Variants in ARHGAP26 observed in about 807,000 individuals in gnomAD.
ARHGAP26 encodes the protein Rho GTPase activating protein 26.
In ARHGAP26, 38 loss-of-function variants were observed where a neutral mutation model predicts 104.8. The observed-to-expected ratio is 0.36, with a 90% confidence interval of 0.28 to 0.48. ARHGAP26 has a LOEUF of 0.48. ARHGAP26 is among the 20% of genes least tolerant of loss of function. ARHGAP26 has a pLI of 0.99. For missense variants in ARHGAP26, 704 were observed against 947.9 expected (o/e 0.74, Z 3.38); for synonymous variants, 341 against 340.0 (o/e 1.00, Z -0.03).
chr5:143,207,289 A>G lies in ARHGAP26; in HGVS notation c.2080A>G (p.Ser694Gly), dbSNP rs750689105. The G allele has an allele frequency of 6.2e-6, 10 of 1,613,950 alleles. No individual in the cohort carries two copies. The highest frequency in any genetic ancestry group is 1.7e-5 in the Admixed American group (1 of 60,012). ...CCCTATGCCCACCTCATCCACGTCCAGCGACTCATCCCCCGTCAGGTCTGT... is the reference window on the plus strand; with the variant it reads ...CCCTATGCCCACCTCATCCACGTCCGGCGACTCATCCCCCGTCAGGTCTGT... ...SSPMPTSSTS[S>G]DSSPVSTPFR... Residue 694 changes from serine (S) to glycine (G), a missense_variant, in exon 21 of 23, where the codon AGC becomes GGC. Physicochemically the swap from Ser to Gly is moderately conservative, Grantham distance 56 (BLOSUM62 0). Transcript: ENST00000645722.
chr5:143,012,898 C>T (rs972472335), intron 11 of ARHGAP26, among the ~76,000 whole-genome samples: 2 of 151,948 alleles, frequency 1.3e-5, no homozygotes, highest in Admixed American at 6.6e-5. Context: ...TCATGATCCA[C>T]CCGCCTGGGC....
chr5:143,124,956 C>T (rs1420483459), intron 18 of ARHGAP26, among the ~76,000 whole-genome samples: 1 of 152,318 alleles, frequency 6.6e-6, no homozygotes, highest in South Asian at 2.1e-4. Context: ...TTTTCCGCCT[C>T]CTCTCTGCAT....
chr5:142,956,911 A>C (rs923247751), intron 11 of ARHGAP26, among the ~76,000 whole-genome samples: 4 of 152,148 alleles, frequency 2.6e-5, no homozygotes, highest in Non-Finnish European at 5.9e-5. Context: ...TAAGAATAAG[A>C]TGGGAAATAC....
At chr5:143,183,612 C>G (rs765745439) in intron 20 of ARHGAP26, among the ~76,000 whole-genome samples, 2 of 152,182 alleles carry the variant, frequency 1.3e-5, no homozygotes, top group Non-Finnish European at 2.9e-5. Context: ...CCTGCCCACA[C>G]GTACTGTGAG....
At position 143,147,363 on chromosome 5, in the gene ARHGAP26, C is replaced by A. The variant is rs142158613; in HGVS notation, c.1970C>A (p.Pro657His). 30 of 1,613,588 alleles carry A rather than the reference C, an allele frequency of 1.9e-5. No homozygotes were observed. In the African/African-American group the frequency reaches 3.1e-4, roughly 17 times the overall value. The part of the protein sequence containing the change: ...SSDPDLAVVK[P>H]TRPNSLPPNP... ...GACCCAGACCTGGCTGTGGTCAAAC[C>A]CACCCGGCCCAACTCACTGTAAGTA... Residue 657 changes from proline to histidine, a missense_variant, in exon 20 of 23, where the codon CCC (proline) becomes CAC (histidine). Pro to His is a moderately conservative substitution (Grantham distance 77). Transcript: ENST00000645722.
At chr5:143,194,644 G>A (rs986065687) in intron 20 of ARHGAP26, among the ~76,000 whole-genome samples, 5 of 152,148 alleles carry the variant, frequency 3.3e-5, no homozygotes, top group African/African-American at 9.6e-5. Context: ...CTTCTCTGTG[G>A]ATATTTGGTT....
intron 10 of ARHGAP26, among the ~76,000 whole-genome samples, chr5:142,916,148 C>G (rs1762458338): frequency 6.6e-6 from 1 of 152,126 alleles, no homozygotes; most frequent in Admixed American, 6.5e-5. Context: ...GGAGAATACA[C>G]AAACATTTAT....
chr5:142,971,783 C>T (rs1256520891), intron 11 of ARHGAP26, among the ~76,000 whole-genome samples: 2 of 152,166 alleles, frequency 1.3e-5, no homozygotes, highest in East Asian at 3.9e-4. Flanking sequence ...CCAAGCTAAT[C>T]TGAGAGTGCT....
chr5:143,029,781 G>A (rs1186739604), intron 12 of ARHGAP26, among the ~76,000 whole-genome samples: 1 of 152,214 alleles, frequency 6.6e-6, no homozygotes, highest in Non-Finnish European at 1.5e-5. Flanking sequence ...AAAAGGTTTG[G>A]TTTGTTTTTT....
chr5:142,903,739 C>T (rs1279532805), intron 8 of ARHGAP26, 70 bp downstream of exon 8: 1 of 1,524,068 alleles, frequency 6.6e-7, no homozygotes, highest in African/African-American at 1.4e-5. Flanking sequence ...AGGATGTATT[C>T]AGCAGTGCCT....
intron 1 of ARHGAP26, among the ~76,000 whole-genome samples, chr5:142,776,192 C>T (rs79607308): frequency 0.024 from 3,671 of 152,120 alleles, 58 homozygotes; most frequent in Middle Eastern, 0.095. Flanking sequence ...AGGCTGGTCT[C>T]GAACTCCTGG....
chr5:142,812,510 G>T (rs1333056097), intron 1 of ARHGAP26, among the ~76,000 whole-genome samples: 1 of 151,710 alleles, frequency 6.6e-6, no homozygotes, highest in African/African-American at 2.4e-5. Context: ...GCTAATTTTT[G>T]TATTTTTAGT....
At chr5:143,040,426 A>AT (rs1783289035) in intron 13 of ARHGAP26, among the ~76,000 whole-genome samples, 1 of 152,084 alleles carries the variant, frequency 6.6e-6, no homozygotes, top group African/African-American at 2.4e-5. Context: ...GCCCCCAAGT[A>AT]TTTTATACTG....
At chr5:142,787,585 A>G (rs1758925053) in intron 1 of ARHGAP26, among the ~76,000 whole-genome samples, 1 of 152,164 alleles carries the variant, frequency 6.6e-6, no homozygotes, top group Non-Finnish European at 1.5e-5. Context: ...GCCACTGACA[A>G]AGCCAGCAAC....
intron 10 of ARHGAP26, among the ~76,000 whole-genome samples, chr5:142,929,039 G>A (rs1178138121): frequency 1.3e-5 from 2 of 152,210 alleles, no homozygotes; most frequent in Non-Finnish European, 2.9e-5. Context: ...CAGGGTTCAA[G>A]CGATTTTCCT....
chr5:143,173,453 A>G (rs1803059314), intron 20 of ARHGAP26, among the ~76,000 whole-genome samples: 2 of 152,186 alleles, frequency 1.3e-5, no homozygotes, highest in Non-Finnish European at 2.9e-5. Context: ...TTTTCAAGAG[A>G]CGTATTTTTA....
At chr5:142,891,614 A>C (rs201573268) in intron 5 of ARHGAP26, among the ~76,000 whole-genome samples, 1 of 146,676 alleles carries the variant, frequency 6.8e-6, no homozygotes, top group Admixed American at 6.8e-5. Context: ...TTAAGATGTC[A>C]AGTAGCATAT....
At chr5:143,197,934 G>A (rs1368260023) in intron 20 of ARHGAP26, among the ~76,000 whole-genome samples, 1 of 152,142 alleles carries the variant, frequency 6.6e-6, no homozygotes, top group Admixed American at 6.5e-5. Context: ...ATTCCTAACA[G>A]TATAAATAAA....
At chr5:142,923,830 GATTC>G (rs1018487939) in intron 10 of ARHGAP26, among the ~76,000 whole-genome samples, 1 of 142,694 alleles carries the variant, frequency 7.0e-6, no homozygotes, top group East Asian at 2.1e-4. Context: ...AATAGGTTAT[GATTC>G]ATTCATTTAT....
Sources: gnomAD v4.1 joint callset for allele counts (sites outside exome capture counted in the v4.1 genomes callset) on GRCh38, gnomAD v4.1.1 for gene constraint, MANE v1.5 for transcripts, NCBI Gene and HGNC (gene_info 2026-07-23, HGNC 2026-07-21) for gene names.